Variants in BSDC1 observed in about 807,000 individuals in gnomAD.
BSDC1 encodes BSD domain-containing protein 1.
In BSDC1, 29 loss-of-function variants were observed where a neutral mutation model predicts 56.0. The observed-to-expected ratio is 0.52, with a 90% CI of 0.39 to 0.71. The LOEUF (loss-of-function observed/expected upper bound fraction) is 0.71. Among genes scored for constraint, BSDC1 ranks in the 30% least tolerant of loss-of-function variants. The probability of loss-of-function intolerance (pLI) is 0.00; values close to 1 mark genes in which losing one functional copy is unlikely to be tolerated. For synonymous variants in BSDC1, 210 were observed against 215.3 expected (o/e 0.98, Z 0.21); for missense variants, 477 against 548.5 (o/e 0.87, Z 1.30).
intron 2 of BSDC1, among the ~76,000 whole-genome samples, chr1:32,392,569 A>G (rs1455020717): frequency 6.6e-6 from 1 of 152,146 alleles, no homozygotes; most frequent in Non-Finnish European, 1.5e-5. Flanking sequence ...CTCATGCAAC[A>G]TCTGCTGAAT....
intron 10 of BSDC1, chr1:32,367,919 G>A (rs1641910646): frequency 2.9e-6 from 3 of 1,019,802 alleles, no homozygotes; most frequent in African/African-American, 1.7e-5. Flanking sequence ...ACTTGCCCTT[G>A]CCCTTGATCA....
chr1:32,371,474 C>A (rs1456172666), intron 9 of BSDC1, among the ~76,000 whole-genome samples: 1 of 151,860 alleles, frequency 6.6e-6, no homozygotes, highest in Non-Finnish European at 1.5e-5. Flanking sequence ...CCACGCCCGG[C>A]TAATTTTTTA....
intron 9 of BSDC1, among the ~76,000 whole-genome samples, chr1:32,371,349 C>T (rs1570106274): frequency 7.0e-6 from 1 of 143,040 alleles, no homozygotes; most frequent in Non-Finnish European, 1.5e-5. Context: ...GTCTCACTCT[C>T]GCCCAGGCTG....
Position 32,386,839 on chromosome 1 carries a change from C to T in BSDC1, c.129G>A (p.Val43=). Residue 43 remains valine, a synonymous_variant, in exon 3 of 11, where the codon GTG becomes GTA. Transcript: ENST00000455895. ...KRDLTEFTQV[V]QHDTACTIAA... ...CGATGGTACAGGCCGTGTCATGCTG[C>T]ACCACCTGGGTAAACTCCGTCAGGT... is the stretch of plus-strand genomic sequence containing the variant. The T allele has an allele frequency of 6.2e-7, 1 of 1,612,476 alleles. No homozygotes were observed. The highest frequency in any genetic ancestry group is 8.5e-7 in the Non-Finnish European group (1 of 1,180,030).
At chr1:32,373,399 C>G (rs1279100175) in intron 9 of BSDC1, among the ~76,000 whole-genome samples, 2 of 152,182 alleles carry the variant, frequency 1.3e-5, no homozygotes, top group African/African-American at 2.4e-5. Flanking sequence ...CCTTTGTAGC[C>G]CAATTCCAAA....
At chr1:32,390,158 C>T (rs1055158068) in intron 2 of BSDC1, among the ~76,000 whole-genome samples, 2 of 151,966 alleles carry the variant, frequency 1.3e-5, no homozygotes, top group Non-Finnish European at 2.9e-5. Context: ...TGGGGAGCCA[C>T]CAAAGGTTTG....
chr1:32,387,482 C>T lies in BSDC1; in HGVS notation c.73-587G>A, dbSNP rs146422260. Among the ~76,000 whole-genome samples the T allele has an allele frequency of 4.2e-3, 634 of 152,208 alleles. 7 individuals are homozygous for T. Among genetic ancestry groups the T allele is most frequent in the African/African-American group, 0.014 (580 of 41,536 alleles). On this transcript the variant is annotated intron_variant, in intron 2 of 10. Transcript: ENST00000455895. ...TCAGCCTCCCGAGTAGCTGGGATTA[C>T]AGGCATGCGCCACCACGCCCAGCTA...
At chr1:32,388,957 CTTTT>C (rs756507594) in intron 2 of BSDC1, among the ~76,000 whole-genome samples, 2 of 141,270 alleles carry the variant, frequency 1.4e-5, no homozygotes, top group Admixed American at 7.1e-5. Flanking sequence ...TCTTTTTTTT[CTTTT>C]TTTTTTTTTT....
At chr1:32,393,197 T>C (rs1053999755) in intron 2 of BSDC1, among the ~76,000 whole-genome samples, 1 of 152,246 alleles carries the variant, frequency 6.6e-6, no homozygotes, top group Admixed American at 6.5e-5. Context: ...CACAATTCAG[T>C]TGGGCTGATT....
At chr1:32,374,240 A>C (rs1484166582) in intron 9 of BSDC1, among the ~76,000 whole-genome samples, 2 of 152,226 alleles carry the variant, frequency 1.3e-5, no homozygotes, top group African/African-American at 4.8e-5. Context: ...TGCTCAGAGA[A>C]TGTTACCTCT....
intron 9 of BSDC1, among the ~76,000 whole-genome samples, chr1:32,374,271 G>A (rs765956198): frequency 1.3e-5 from 2 of 152,188 alleles, no homozygotes; most frequent in Non-Finnish European, 2.9e-5. Context: ...CCCCAAAGCA[G>A]GGCTCTACTT....
chr1:32,378,770 T>G lies in BSDC1; in HGVS notation c.482A>C (p.Glu161Ala), dbSNP rs770840130. 11 of 1,552,548 alleles carry G rather than the reference T, an allele frequency of 7.1e-6. No individual in the cohort carries two copies. The South Asian group carries it at 1.2e-4, about 17-fold the overall frequency. ...CLEEKKGEISELLVGSPSIRA... is the reference protein window; with the variant it reads ...CLEEKKGEISALLVGSPSIRA... ...GATGGAGGGGCTGCCTACAAGGAGC[T>G]CTGAGATCTCCCCCTTCTTCTCCTC... The change falls in exon 6 of 11, where the codon GAG becomes GCG. Residue 161 changes from glutamate to alanine, a missense_variant. By Grantham distance (107) the Glu-to-Ala change is moderately radical. Transcript: ENST00000455895. The surrounding 1 kb of genome is among the most constrained non-coding windows in gnomAD (Gnocchi z 5.2).
At chr1:32,377,763 CAT>C (rs760951047) in intron 8 of BSDC1, among the ~76,000 whole-genome samples, 17 of 152,218 alleles carry the variant, frequency 1.1e-4, no homozygotes, top group African/African-American at 2.2e-4. Flanking sequence ...CCAACTGACA[CAT>C]GTGATTTCTG....
intron 1 of BSDC1, 63 bp downstream of exon 1, chr1:32,394,341 C>T (rs1642978154): frequency 3.7e-6 from 6 of 1,613,532 alleles, no homozygotes; most frequent in Non-Finnish European, 4.2e-6. Flanking sequence ...GGGACTCTCG[C>T]CCAGCACCCC....
intron 9 of BSDC1, chr1:32,369,381 C>T (rs1205018763): frequency 4.0e-6 from 4 of 1,004,840 alleles, no homozygotes; most frequent in Non-Finnish European, 5.4e-6. Flanking sequence ...GTAGTACACA[C>T]CTAAGGAGTC....
In BSDC1 at chr1:32,376,689, C is replaced by T; in HGVS notation, c.729G>A (p.Val243=). The change falls in exon 9 of 11, where the codon GTG becomes GTA. Residue 243 remains valine, a synonymous_variant. Transcript: ENST00000455895. The part of the protein sequence containing the change: ...PISPKEAKVP[V]AKISTFPEGE... ...CTTCAGGGAATGTAGAAATTTTGGC[C>T]ACAGGAACCTTTGCCTCTTTTGGAG... 18 of 1,422,900 alleles carry T rather than the reference C, an allele frequency of 1.3e-5. No individual in the cohort carries two copies. Among genetic ancestry groups the T allele is most frequent in the Non-Finnish European group, 1.6e-5 (17 of 1,076,668 alleles). The allele number at this position is 1,422,900 out of a possible 1,614,324, so 88.1% of individuals were successfully genotyped here.
At chr1:32,384,149 G>C (rs575337691) in intron 3 of BSDC1, 152 bp from the exon 4 acceptor site, 104 of 1,077,512 alleles carry the variant, frequency 9.7e-5, no homozygotes, top group Middle Eastern at 9.0e-4. Flanking sequence ...CTGCAGGAGA[G>C]GGAGGAGGCA....
intron 8 of BSDC1, 125 bp downstream of exon 8, chr1:32,377,840 CATACA>C: frequency 1.3e-6 from 1 of 785,902 alleles, no homozygotes; most frequent in South Asian, 2.2e-5. Context: ...TATCCTCACA[CATACA>C]ATGTGCTTGT....
intron 1 of BSDC1, 31 bp from the exon 2 acceptor site, chr1:32,394,171 G>A: frequency 1.9e-6 from 3 of 1,600,014 alleles, no homozygotes; most frequent in African/African-American, 1.3e-5. Context: ...TGGCAGCACC[G>A]CGGTGCGATT....
Sources: gnomAD v4.1 joint callset for allele counts (sites outside exome capture counted in the v4.1 genomes callset) on GRCh38, gnomAD v4.1.1 for gene constraint, Gnocchi (gnomAD v3.1) non-coding constraint, MANE v1.5 for transcripts, NCBI Gene and HGNC (gene_info 2026-07-23, HGNC 2026-07-21) for gene names.